Variants in ASAP3 observed in about 807,000 individuals in gnomAD.
ASAP3 encodes ArfGAP with SH3 domain, ankyrin repeat and PH domain 3, also known as arf-GAP with SH3 domain, ANK repeat and PH domain-containing protein 3.
A neutral mutation model predicts 118.2 loss-of-function variants in ASAP3; 85 were observed. The observed-to-expected ratio is 0.72, with a 90% confidence interval of 0.60 to 0.86. The LOEUF (loss-of-function observed/expected upper bound fraction) is 0.86, where lower values mean the gene tolerates loss of function less well. ASAP3 is among the 40% of genes least tolerant of loss of function. The pLI, the probability that ASAP3 is intolerant of heterozygous loss-of-function variation, is 0.00. For synonymous variants in ASAP3, 432 were observed against 477.4 expected (o/e 0.90, Z 1.24); for missense variants, 1,026 against 1,175.0 (o/e 0.87, Z 1.85).
In ASAP3 at chr1:23,455,917, C is replaced by A; in HGVS notation, c.312G>T (p.Val104=). The A allele has an allele frequency of 6.2e-7, 1 of 1,614,156 alleles. No homozygotes were observed. Among genetic ancestry groups the A allele is most frequent in the Non-Finnish European group, 8.5e-7 (1 of 1,180,038 alleles). Reference sequence around the variant, plus strand: ...AGAGCGCAGCAACCTCGCGGGTGAACACGGCCAAGTTTAGGAAGCCTGTGG... The same window carrying A: ...AGAGCGCAGCAACCTCGCGGGTGAAAACGGCCAAGTTTAGGAAGCCTGTGG... ...ELSTGFLNLA[V]FTREVAALFK... The change falls in exon 3 of 25, where the codon GTG becomes GTT. Residue 104 remains valine (V), a synonymous_variant. Coordinates refer to ENST00000336689, the MANE Select transcript of ASAP3 (RefSeq NM_017707.4).
At chr1:23,460,168 ACC>A (rs1431558785) in intron 1 of ASAP3, among the ~76,000 whole-genome samples, 1 of 152,166 alleles carries the variant, frequency 6.6e-6, no homozygotes, top group African/African-American at 2.4e-5. Context: ...GGGACTACAC[ACC>A]TGTTAGAATG....
chr1:23,434,243 T>A lies in ASAP3; in HGVS notation c.1951+11A>T, dbSNP rs1640549999. 1.9e-6 allele frequency: 3 copies of A among 1,613,728 alleles called. No individual in the cohort carries two copies. ...AATAGGAGTCTGACGGAGGAGGTAT[T>A]CAAGCCCCACCTGTGCCAACCAAAG... On this transcript the variant is annotated intron_variant, in intron 19 of 24. Transcript: ENST00000336689.
At chr1:23,470,915 T>A (rs1641942747) in intron 1 of ASAP3, among the ~76,000 whole-genome samples, 1 of 152,156 alleles carries the variant, frequency 6.6e-6, no homozygotes. Flanking sequence ...TTGGCGGTGA[T>A]GAGCTAAGAG....
intron 1 of ASAP3, among the ~76,000 whole-genome samples, chr1:23,462,001 G>A (rs1171516968): frequency 3.3e-5 from 5 of 151,994 alleles, no homozygotes; most frequent in Admixed American, 6.5e-5. Flanking sequence ...CAAGTCACCC[G>A]AATCACTCAC....
At chr1:23,445,616 A>G (rs1213928345) in intron 5 of ASAP3, among the ~76,000 whole-genome samples, 1 of 152,212 alleles carries the variant, frequency 6.6e-6, no homozygotes. Flanking sequence ...CTAAATGTCC[A>G]TCAGTAGGAA....
chr1:23,461,519 A>T (rs963414231), intron 1 of ASAP3, among the ~76,000 whole-genome samples: 7 of 152,032 alleles, frequency 4.6e-5, no homozygotes, highest in Non-Finnish European at 4.4e-5. Context: ...ATTAAAAACC[A>T]GGCATGGGGC....
chr1:23,439,831 T>C (rs1217887452), intron 10 of ASAP3, among the ~76,000 whole-genome samples: 1 of 152,188 alleles, frequency 6.6e-6, no homozygotes, highest in Non-Finnish European at 1.5e-5. Context: ...TTGTTTTGTT[T>C]TGAGACAGGA....
At chr1:23,466,246 T>C (rs528765414) in intron 1 of ASAP3, among the ~76,000 whole-genome samples, 7 of 152,340 alleles carry the variant, frequency 4.6e-5, no homozygotes, top group South Asian at 2.1e-4. Context: ...ACTTGAAGTA[T>C]TCAAATACTT....
intron 1 of ASAP3, among the ~76,000 whole-genome samples, chr1:23,465,107 T>TA (rs1641724890): frequency 6.6e-6 from 1 of 152,238 alleles, no homozygotes; most frequent in Non-Finnish European, 1.5e-5. Context: ...ATTCTATAGG[T>TA]AAAGTGCTTA....
chr1:23,447,280 AAGT>A (rs1641077164), intron 5 of ASAP3, among the ~76,000 whole-genome samples: 2 of 152,212 alleles, frequency 1.3e-5, no homozygotes, highest in Non-Finnish European at 2.9e-5. Context: ...GCTTGTGTTC[AAGT>A]AACCCTTAGT....
chr1:23,443,273 G>A (rs1640935409), intron 5 of ASAP3, among the ~76,000 whole-genome samples: 11 of 152,162 alleles, frequency 7.2e-5, no homozygotes, highest in Admixed American at 6.5e-4. Context: ...CTGTGCAGTG[G>A]TGAAGCCTGG....
In ASAP3 at chr1:23,467,464, A is replaced by C. The variant is rs912344613; in HGVS notation, c.130-11270T>G. ...GATATGATGGTAGCCTCTACCAATT[A>C]AACTAGAGTTGGCAGAGGAGATGAA... On this transcript the variant is annotated intron_variant, in intron 1 of 24. Transcript: ENST00000336689. 3.4e-4 allele frequency among the ~76,000 whole-genome samples: 52 copies of C among 152,340 alleles called. 1 individual carries two copies. The highest frequency in any genetic ancestry group is 1.3e-3 in the East Asian group (7 of 5,190).
intron 10 of ASAP3, among the ~76,000 whole-genome samples, chr1:23,439,664 A>G (rs181077060): frequency 6.6e-6 from 1 of 152,352 alleles, no homozygotes; most frequent in Non-Finnish European, 1.5e-5. Context: ...TAGCAAGTCC[A>G]TGATCCAAAA....
chr1:23,440,971 T>G (rs1640850984), intron 10 of ASAP3, 131 bp downstream of exon 10: 1 of 796,144 alleles, frequency 1.3e-6, no homozygotes, highest in Non-Finnish European at 2.0e-6. Flanking sequence ...ACCCAGGAAT[T>G]GAGGATTTTA....
chr1:23,466,910 C>T (rs1641787268), intron 1 of ASAP3, among the ~76,000 whole-genome samples: 1 of 152,042 alleles, frequency 6.6e-6, no homozygotes, highest in Non-Finnish European at 1.5e-5. Flanking sequence ...CTCTGTAGCC[C>T]AGGCTGGAGT....
intron 1 of ASAP3, among the ~76,000 whole-genome samples, chr1:23,458,459 T>C (rs1057300504): frequency 1.3e-5 from 2 of 151,812 alleles, no homozygotes; most frequent in Non-Finnish European, 2.9e-5. Context: ...CCCATCTCCA[T>C]GTGGTGGCAT....
intron 1 of ASAP3, among the ~76,000 whole-genome samples, chr1:23,460,506 C>CAAAAAAAA (rs71023213): frequency 1.2e-5 from 1 of 84,798 alleles, no homozygotes; most frequent in Non-Finnish European, 2.2e-5. Context: ...GACTCCATCT[C>CAAAAAAAA]AAAAAAAAAA....
intron 5 of ASAP3, among the ~76,000 whole-genome samples, chr1:23,449,055 GTC>G (rs36007732): frequency 0.53 from 80,815 of 151,736 alleles, 25,177 homozygotes; most frequent in Non-Finnish European, 0.67. Flanking sequence ...AGAGATAACA[GTC>G]TCTCTCAGAA....
intron 3 of ASAP3, among the ~76,000 whole-genome samples, chr1:23,455,447 G>A (rs1218736761): frequency 6.6e-6 from 1 of 152,194 alleles, no homozygotes; most frequent in Non-Finnish European, 1.5e-5. Context: ...ATTTAAGTAC[G>A]AAGCAGATGT....
Sources: allele counts gnomAD v4.1 joint callset (sites outside exome capture counted in the v4.1 genomes callset), GRCh38; gene constraint gnomAD v4.1.1; transcripts MANE v1.5; gene names NCBI Gene and HGNC (gene_info 2026-07-23, HGNC 2026-07-21).